Variants in UIMC1 observed in about 807,000 individuals in gnomAD.
The protein encoded by UIMC1 is BRCA1-A complex subunit RAP80.
In UIMC1, 42 loss-of-function variants were observed where a neutral mutation model predicts 84.9. That is an observed-to-expected ratio of 0.49 (90% CI 0.39 to 0.64). The LOEUF (loss-of-function observed/expected upper bound fraction) is 0.64, where lower values mean the gene tolerates loss of function less well. Ranked by LOEUF, UIMC1 falls within the 30% of genes least tolerant of loss-of-function variation. The pLI is 0.00. For synonymous variants in UIMC1, 281 were observed against 293.0 expected (o/e 0.96, Z 0.42); for missense variants, 825 against 847.6 (o/e 0.97, Z 0.33).
chr5:176,953,119 G>C (rs966120989), intron 8 of UIMC1, among the ~76,000 whole-genome samples: 3 of 152,126 alleles, frequency 2.0e-5, no homozygotes, highest in African/African-American at 7.2e-5. Flanking sequence ...GACACAGCGG[G>C]AAGTTGTCTG....
chr5:177,022,478 G>C, exon 1 of UIMC1: 1 of 459,322 alleles, frequency 2.2e-6, no homozygotes, highest in Non-Finnish European at 3.8e-6. Flanking sequence ...AGCAAGGTGA[G>C]AGCCATGAGC....
intron 6 of UIMC1, among the ~76,000 whole-genome samples, chr5:176,963,888 G>A (rs535660817): frequency 3.3e-5 from 5 of 151,756 alleles, no homozygotes; most frequent in Admixed American, 6.6e-5. Flanking sequence ...GAAAAATTAA[G>A]TATCAGATTC....
chr5:176,905,504 G>GA lies in UIMC1; in HGVS notation c.1950-13dup, dbSNP rs1360908575. ...CTGGTGAAGGCACCCTAGAGAGAAG[G>GA]AAAAAAATTCAGATTCAATATACAC... is the stretch of plus-strand genomic sequence containing the variant. On this transcript the variant is annotated splice_polypyrimidine_tract_variant and intron_variant, in intron 14 of 14. Coordinates refer to ENST00000511320, the MANE Select transcript of UIMC1 (RefSeq NM_001199298.2). 6.2e-6 allele frequency: 10 copies of GA among 1,607,832 alleles called. No individual in the cohort carries two copies. In the South Asian group the frequency reaches 1.0e-4, roughly 16 times the overall value.
rs58677475 is a variant in UIMC1 at position 176,992,463 on chromosome 5, T to TAA, written c.-8-9842_-8-9841dup. On this transcript the variant is annotated intron_variant, in intron 1 of 14. Coordinates refer to ENST00000511320, the MANE Select transcript of UIMC1 (RefSeq NM_001199298.2). ...AACATAGTGAGACCCTGTCTCAGTT[T>TAA]AAAAAAAAAAAAAGGTGACTAAGTA... Among the ~76,000 whole-genome samples, 260 of 141,736 alleles carry TAA rather than the reference T, an allele frequency of 1.8e-3. 1 individual carries two copies. The highest frequency in any genetic ancestry group is 6.4e-3 in the African/African-American group (248 of 38,926). 93.0% of individuals were successfully genotyped at this position (141,736 alleles called of 152,430 possible).
In UIMC1 at chr5:176,990,164, G is replaced by C. The variant is rs913403398; in HGVS notation, c.-8-7541C>G. On this transcript the variant is annotated intron_variant, in intron 1 of 14. Transcript: ENST00000511320. ...CCACTGCACTCCAGCCTGGGCAACA[G>C]AGCGAGACTCTGTTACAAAAAAAAA... Among the ~76,000 whole-genome samples the C allele has an allele frequency of 4.0e-5, 6 of 151,242 alleles. No homozygotes were observed. The East Asian group carries it at 1.2e-3, about 29-fold the overall frequency.
In UIMC1 at chr5:176,943,570, T is replaced by C. The variant is rs184817502; in HGVS notation, c.1444-82A>G. Reference sequence around the variant, plus strand: ...ACGAACTGCAAGAGACTCCACCCCATATTTCACTTACTTTCAAAGAGACAA... The same window carrying C: ...ACGAACTGCAAGAGACTCCACCCCACATTTCACTTACTTTCAAAGAGACAA... On this transcript the variant is annotated intron_variant, in intron 9 of 14. Coordinates refer to ENST00000511320, the MANE Select transcript of UIMC1 (RefSeq NM_001199298.2). 40 of 1,498,032 alleles carry C rather than the reference T, an allele frequency of 2.7e-5. No homozygotes were observed. In the African/African-American group the frequency reaches 4.5e-4, roughly 17 times the overall value. 92.8% of individuals were successfully genotyped at this position (1,498,032 alleles called of 1,614,324 possible).
In UIMC1 at chr5:176,951,654, T is replaced by C. The variant is rs1765894852; in HGVS notation, c.1340-77A>G. 2.7e-6 allele frequency: 3 copies of C among 1,106,270 alleles called. No homozygotes were observed. In the Admixed American group the frequency reaches 7.7e-5, roughly 28 times the overall value. 68.5% of individuals were successfully genotyped at this position (1,106,270 alleles called of 1,614,324 possible). A position where few individuals can be genotyped will look rare whatever the true frequency, so the allele number is the denominator to read the frequency against. ...AATTAAAAAAACAAACATGCCTATT[T>C]TCACCTAAAGTTTAGGATATGACAA... On this transcript the variant is annotated intron_variant, in intron 8 of 14. Coordinates refer to ENST00000511320, the MANE Select transcript of UIMC1 (RefSeq NM_001199298.2).
At chr5:176,908,828 T>G (rs777071562) in intron 11 of UIMC1, 134 bp from the exon 12 acceptor site, 5 of 860,826 alleles carry the variant, frequency 5.8e-6, no homozygotes, top group Non-Finnish European at 8.7e-6. Context: ...CCAATGCAGA[T>G]TCACTCAGCA....
chr5:176,957,706 G>T (rs1041179002), intron 7 of UIMC1, among the ~76,000 whole-genome samples: 2 of 152,066 alleles, frequency 1.3e-5, no homozygotes, highest in Non-Finnish European at 2.9e-5. Flanking sequence ...GCAGAGTTGG[G>T]GAAAAGAGAG....
At chr5:176,947,429 T>C (rs752080386) in intron 9 of UIMC1, among the ~76,000 whole-genome samples, 1 of 152,192 alleles carries the variant, frequency 6.6e-6, no homozygotes, top group African/African-American at 2.4e-5. Context: ...ATGTGCCATG[T>C]TGGTGTGCTG....
At chr5:177,001,254 A>G (rs1377211113) in intron 1 of UIMC1, among the ~76,000 whole-genome samples, 1 of 152,202 alleles carries the variant, frequency 6.6e-6, no homozygotes, top group Non-Finnish European at 1.5e-5. Flanking sequence ...AGCACTATCT[A>G]TTGAAGAGAC....
intron 9 of UIMC1, among the ~76,000 whole-genome samples, 154 bp from the exon 10 acceptor site, chr5:176,943,642 TAG>T (rs1464101145): frequency 6.6e-6 from 1 of 152,228 alleles, no homozygotes; most frequent in Admixed American, 6.5e-5. Flanking sequence ...ATACTACTGA[TAG>T]AGTCAATACT....
intron 8 of UIMC1, among the ~76,000 whole-genome samples, chr5:176,955,579 A>G (rs1766492006): frequency 6.6e-6 from 1 of 152,204 alleles, no homozygotes; most frequent in African/African-American, 2.4e-5. Flanking sequence ...GGCTGACAAA[A>G]TAATTTAAAA....
intron 1 of UIMC1, among the ~76,000 whole-genome samples, chr5:177,000,498 C>CT (rs966855813): frequency 0.018 from 2,070 of 113,314 alleles, 56 homozygotes; most frequent in South Asian, 0.026. Flanking sequence ...ACTTGCATGT[C>CT]TTTTTTTTTT....
intron 4 of UIMC1, 150 bp from the exon 5 acceptor site, chr5:176,969,856 T>C: frequency 1.5e-6 from 1 of 650,956 alleles, no homozygotes. Context: ...CAGCATATGC[T>C]GAATGTCTAT....
chr5:176,905,942 G>C (rs560563166), intron 14 of UIMC1, 69 bp downstream of exon 14: 1 of 1,543,404 alleles, frequency 6.5e-7, no homozygotes, highest in South Asian at 1.1e-5. Context: ...ACTACACACA[G>C]AACACAGGAC....
chr5:176,969,547 C>G (rs749778089), intron 5 of UIMC1, 54 bp downstream of exon 5: 1 of 1,554,040 alleles, frequency 6.4e-7, no homozygotes, highest in Admixed American at 1.7e-5. Context: ...GCATGAGATC[C>G]CTGTGGTACA....
intron 9 of UIMC1, among the ~76,000 whole-genome samples, chr5:176,945,671 T>A (rs974615553): frequency 3.3e-5 from 5 of 152,178 alleles, no homozygotes; most frequent in African/African-American, 9.7e-5. Flanking sequence ...GGTGGGCGCC[T>A]GTCCATATGG....
intron 9 of UIMC1, among the ~76,000 whole-genome samples, chr5:176,946,047 A>T (rs1409342372): frequency 6.6e-6 from 1 of 152,166 alleles, no homozygotes; most frequent in African/African-American, 2.4e-5. Flanking sequence ...TCACCTCATA[A>T]TCAAATGGCC....
Sources: allele counts gnomAD v4.1 joint callset (sites outside exome capture counted in the v4.1 genomes callset), GRCh38; gene constraint gnomAD v4.1.1; transcripts MANE v1.5; gene names NCBI Gene and HGNC (gene_info 2026-07-23, HGNC 2026-07-21).